The following MBNL1 variants were observed in gnomAD, a reference collection of about 807,000 sequenced individuals.
MBNL1 encodes the protein muscleblind like splicing regulator 1, also known as muscleblind-like protein 1.
Under a neutral mutation model 42.2 loss-of-function variants are expected in MBNL1, and 8 were observed. That is an observed-to-expected ratio of 0.19 (90% CI 0.11 to 0.34). MBNL1 has a LOEUF of 0.34. Ranked by LOEUF, MBNL1 falls within the 10% of genes least tolerant of loss-of-function variation. The probability of loss-of-function intolerance (pLI) is 1.00; values close to 1 mark genes in which losing one functional copy is unlikely to be tolerated. For missense variants in MBNL1, 309 were observed against 495.3 expected (o/e 0.62, Z 3.57); for synonymous variants, 169 against 173.9 (o/e 0.97, Z 0.22).
chr3:152,274,954 G>C (rs1170363591), intron 1 of MBNL1, among the ~76,000 whole-genome samples: 8 of 152,228 alleles, frequency 5.3e-5, no homozygotes, highest in Non-Finnish European at 1.2e-4. Flanking sequence ...TTTGTATTTA[G>C]AATATTATCA....
intron 4 of MBNL1, among the ~76,000 whole-genome samples, chr3:152,445,069 A>G (rs2099203555): frequency 6.6e-6 from 1 of 152,216 alleles, no homozygotes; most frequent in Non-Finnish European, 1.5e-5. Flanking sequence ...TTAACATTAT[A>G]CATGCATTTT....
chr3:152,412,473 G>A (rs1484896438), intron 2 of MBNL1, among the ~76,000 whole-genome samples: 1 of 152,028 alleles, frequency 6.6e-6, no homozygotes, highest in Non-Finnish European at 1.5e-5. Context: ...TGATTCTTAG[G>A]AACACAGCTT....
At position 152,320,464 on chromosome 3, in the gene MBNL1, A is replaced by G. The variant is rs567951389; in HGVS notation, c.174+20097A>G. 2.6e-5 allele frequency among the ~76,000 whole-genome samples: 4 copies of G among 152,252 alleles called. No individual in the cohort carries two copies. The East Asian group carries it at 7.7e-4, about 29-fold the overall frequency. On this transcript the variant is annotated intron_variant, in intron 2 of 9. Coordinates refer to ENST00000324210, the MANE Select transcript of MBNL1 (RefSeq NM_021038.5). ...CATGGGGACCTAGTCAGGCTTCCTGATATGATAGCTGTATATACAGCCCAT... is the reference window on the plus strand; with the variant it reads ...CATGGGGACCTAGTCAGGCTTCCTGGTATGATAGCTGTATATACAGCCCAT...
At position 152,299,925 on chromosome 3, in the gene MBNL1, G is replaced by A. The variant is rs1048359541; in HGVS notation, c.-269G>A. 2.3e-6 allele frequency: 1 copy of A among 439,438 alleles called. No homozygotes were observed. The highest frequency in any genetic ancestry group is 4.0e-6 in the Non-Finnish European group (1 of 250,526). The allele number at this position is 439,438 out of a possible 1,614,324, so 27.2% of individuals were successfully genotyped here. A position where few individuals can be genotyped will look rare whatever the true frequency, so the allele number is the denominator to read the frequency against. ...CTGATACCAGGCCCTACTTTTAAAC[G>A]TTCATCTACTTACAATCCTAGTATT... On this transcript the variant is annotated 5_prime_UTR_variant, in exon 2 of 10. Coordinates refer to ENST00000324210, the MANE Select transcript of MBNL1 (RefSeq NM_021038.5).
At chr3:152,248,723 C>T (rs2033775667) in intron 2 of MBNL1, among the ~76,000 whole-genome samples, 1 of 151,892 alleles carries the variant, frequency 6.6e-6, no homozygotes, top group Non-Finnish European at 1.5e-5. Context: ...CCCATTAACT[C>T]ATCATTTAGC....
chr3:152,429,666 T>G (rs908329490), intron 3 of MBNL1, among the ~76,000 whole-genome samples: 3 of 152,194 alleles, frequency 2.0e-5, no homozygotes, highest in Non-Finnish European at 4.4e-5. Flanking sequence ...TTTCTCTGAT[T>G]AGGGCACTCT....
chr3:152,434,769 G>A (rs4392393), intron 4 of MBNL1, among the ~76,000 whole-genome samples: 39,582 of 151,896 alleles, frequency 0.26, 5,228 homozygotes, highest in South Asian at 0.3. Flanking sequence ...GTATCTAGTG[G>A]TTTTGATTTG....
chr3:152,331,396 A>G (rs914419387), intron 2 of MBNL1, among the ~76,000 whole-genome samples: 2 of 152,202 alleles, frequency 1.3e-5, no homozygotes, highest in African/African-American at 4.8e-5. Context: ...TGAGGACAAA[A>G]TGACTCAGGA....
At chr3:152,304,955 G>C (rs930538559) in intron 2 of MBNL1, among the ~76,000 whole-genome samples, 1 of 152,148 alleles carries the variant, frequency 6.6e-6, no homozygotes, top group Non-Finnish European at 1.5e-5. Flanking sequence ...GCTACCTGCT[G>C]CAGTAATTCT....
At chr3:152,434,161 G>A (rs555256024) in intron 4 of MBNL1, among the ~76,000 whole-genome samples, 12 of 152,068 alleles carry the variant, frequency 7.9e-5, no homozygotes, top group Admixed American at 2.0e-4. Flanking sequence ...GATAATAAGC[G>A]CAATACCCAA....
intron 9 of MBNL1, 102 bp from the exon 10 acceptor site, chr3:152,462,283 A>G (rs982754674): frequency 6.6e-6 from 1 of 152,208 alleles, no homozygotes; most frequent in Non-Finnish European, 1.5e-5. Flanking sequence ...TAATGTAAAT[A>G]TACTGGTTAA....
intron 2 of MBNL1, among the ~76,000 whole-genome samples, chr3:152,349,121 A>G (rs970205207): frequency 6.6e-6 from 1 of 152,076 alleles, no homozygotes; most frequent in African/African-American, 2.4e-5. Flanking sequence ...CTGGCTATCA[A>G]GACCTCTCCT....
At chr3:152,305,770 T>C (rs112011332) in intron 2 of MBNL1, among the ~76,000 whole-genome samples, 1 of 152,244 alleles carries the variant, frequency 6.6e-6, no homozygotes, top group African/African-American at 2.4e-5. Flanking sequence ...TAAACAAGCT[T>C]GATTCTAGTG....
At chr3:152,443,824 G>A (rs111965340) in intron 4 of MBNL1, among the ~76,000 whole-genome samples, 144 of 152,214 alleles carry the variant, frequency 9.5e-4, no homozygotes, top group African/African-American at 3.3e-3. Flanking sequence ...GAATGACACT[G>A]GCTCATTGTA....
chr3:152,295,647 C>CT (rs1426602111), intron 1 of MBNL1, among the ~76,000 whole-genome samples: 23 of 152,236 alleles, frequency 1.5e-4, no homozygotes, highest in African/African-American at 4.3e-4. Flanking sequence ...CTACAAAGTA[C>CT]CAGAAACATT....
chr3:152,293,448 C>T (rs946316424), intron 1 of MBNL1, among the ~76,000 whole-genome samples: 2 of 152,192 alleles, frequency 1.3e-5, no homozygotes, highest in African/African-American at 4.8e-5. Context: ...GGGACAAACC[C>T]TGGGAATAAT....
intron 2 of MBNL1, among the ~76,000 whole-genome samples, chr3:152,259,461 A>T (rs1254411190): frequency 6.6e-6 from 1 of 152,228 alleles, no homozygotes; most frequent in Non-Finnish European, 1.5e-5. Context: ...ATTTTTGACA[A>T]AACAAGTGAT....
At chr3:152,381,646 T>C in intron 2 of MBNL1, among the ~76,000 whole-genome samples, 1 of 152,176 alleles carries the variant, frequency 6.6e-6, no homozygotes, top group East Asian at 1.9e-4. Context: ...TATTCATATT[T>C]CTATGAAAAT....
intron 2 of MBNL1, among the ~76,000 whole-genome samples, chr3:152,386,037 G>T (rs1320104090): frequency 6.6e-6 from 1 of 151,964 alleles, no homozygotes; most frequent in African/African-American, 2.4e-5. Context: ...CCTTTGTAAT[G>T]ATCTTCCCCT....
Sources: gnomAD v4.1 joint callset for allele counts (sites outside exome capture counted in the v4.1 genomes callset) on GRCh38, gnomAD v4.1.1 for gene constraint, MANE v1.5 for transcripts, NCBI Gene and HGNC (gene_info 2026-07-23, HGNC 2026-07-21) for gene names.